Variants in PTP4A1 observed in about 807,000 individuals in gnomAD.
PTP4A1 encodes the protein protein tyrosine phosphatase type IVA 1.
A neutral mutation model predicts 20.5 loss-of-function variants in PTP4A1; 9 were observed. The ratio of observed to expected loss-of-function variants is 0.44; its 90% CI spans 0.26 to 0.77. The LOEUF (loss-of-function observed/expected upper bound fraction) is 0.77. PTP4A1 is among the 30% of genes least tolerant of loss of function. The pLI, the probability that PTP4A1 is intolerant of heterozygous loss-of-function variation, is 0.19. For missense variants in PTP4A1, 137 were observed against 218.8 expected (o/e 0.63, Z 2.36); for synonymous variants, 78 against 67.4 (o/e 1.16, Z -0.77).
At chr6:63,519,926 A>G (rs1774861690), upstream of PTP4A1, among the ~76,000 whole-genome samples, 1 of 152,250 alleles carries the variant, frequency 6.6e-6, no homozygotes, top group South Asian at 2.1e-4. Context: ...GACTTGAAAT[A>G]GACATTCAAC....
At chr6:63,557,373 C>T (rs1776735712) in intron 3 of PTP4A1, among the ~76,000 whole-genome samples, 1 of 152,092 alleles carries the variant, frequency 6.6e-6, no homozygotes, top group Non-Finnish European at 1.5e-5. Flanking sequence ...TGAGACCAGC[C>T]TGGCCAACAT....
intron 2 of PTP4A1, among the ~76,000 whole-genome samples, chr6:63,529,176 T>C (rs1486540297): frequency 2.0e-5 from 3 of 146,754 alleles, no homozygotes; most frequent in Non-Finnish European, 4.5e-5. Flanking sequence ...TATATATATA[T>C]GTATATATAT....
intron 3 of PTP4A1, among the ~76,000 whole-genome samples, chr6:63,554,290 G>A (rs1023488690): frequency 6.6e-6 from 1 of 152,150 alleles, no homozygotes; most frequent in African/African-American, 2.4e-5. Flanking sequence ...CAAAGTATAT[G>A]AAAAGCATTC....
At chr6:63,526,837 T>TATATATATG (rs1562111525) in intron 1 of PTP4A1, among the ~76,000 whole-genome samples, 1 of 87,734 alleles carries the variant, frequency 1.1e-5, no homozygotes, top group Non-Finnish European at 2.4e-5. Flanking sequence ...ATATATATAT[T>TATATATATG]TATTTATTTA....
intron 3 of PTP4A1, 121 bp downstream of exon 3, chr6:63,578,650 A>G: frequency 7.3e-7 from 1 of 1,361,950 alleles, no homozygotes; most frequent in Non-Finnish European, 9.8e-7. Flanking sequence ...AAAAACAAAT[A>G]TTATATTATT....
chr6:63,576,741 T>C lies in PTP4A1; in HGVS notation c.-140T>C. The C allele has an allele frequency of 1.5e-6, 1 of 666,756 alleles. No homozygotes were observed. The highest frequency in any genetic ancestry group is 2.8e-5 in the East Asian group (1 of 36,350). The allele number at this position is 666,756 out of a possible 1,614,324, so 41.3% of individuals were successfully genotyped here. A position where few individuals can be genotyped will look rare whatever the true frequency, so the allele number is the denominator to read the frequency against. On this transcript the variant is annotated 5_prime_UTR_variant, in exon 2 of 6. Transcript: ENST00000626021. ...TTAGGAGGTTCATTTCACTTATCAT[T>C]ACTTACAACTTCATACTCAAAGCAC...
chr6:63,548,699 AG>A, intron 2 of PTP4A1: 2 of 589,938 alleles, frequency 3.4e-6, no homozygotes, highest in Non-Finnish European at 6.1e-6. Flanking sequence ...AAAACTCAAC[AG>A]TGTACATTTA....
At chr6:63,570,971 T>C (rs1003905690), upstream of PTP4A1, 1 of 152,222 alleles carries the variant, frequency 6.6e-6, no homozygotes, top group Admixed American at 6.5e-5. Flanking sequence ...TTTTAAGCTT[T>C]CTATATTTTC....
chr6:63,518,621 C>T (rs1033289275), upstream of PTP4A1, among the ~76,000 whole-genome samples: 3 of 152,172 alleles, frequency 2.0e-5, no homozygotes, highest in Non-Finnish European at 2.9e-5. Context: ...TGTCCAAGGT[C>T]ACACAGCCCA....
chr6:63,553,194 C>G (rs1776527559), intron 3 of PTP4A1, among the ~76,000 whole-genome samples: 1 of 152,178 alleles, frequency 6.6e-6, no homozygotes, highest in Non-Finnish European at 1.5e-5. Flanking sequence ...AATAAGTCCT[C>G]AGTAATTGTG....
chr6:63,542,214 C>T (rs966723618), intron 2 of PTP4A1, among the ~76,000 whole-genome samples: 1 of 151,884 alleles, frequency 6.6e-6, no homozygotes, highest in African/African-American at 2.4e-5. Flanking sequence ...TAAGTGGGAG[C>T]TAAGCTATGA....
rs1008678025 is a variant in PTP4A1, at chr6:63,548,952, C to G, written c.-639-1348C>G. The G allele has an allele frequency of 4.8e-6, 4 of 825,940 alleles. No homozygotes were observed. The African/African-American group carries it at 5.0e-5, about 10-fold the overall frequency. 51.2% of individuals were successfully genotyped at this position (825,940 alleles called of 1,614,324 possible). ...GACTAGACGTCCCAGTCTTGCCTCC[C>G]CCTTGATAATGCAGTAAGGGACCCG... On this transcript the variant is annotated intron_variant, in intron 2 of 3. Coordinates refer to the PTP4A1 transcript ENST00000639568.
chr6:63,564,080 G>C (rs1777080240), intron 3 of PTP4A1, among the ~76,000 whole-genome samples: 1 of 152,144 alleles, frequency 6.6e-6, no homozygotes, highest in Non-Finnish European at 1.5e-5. Flanking sequence ...TTCGAGACCA[G>C]CCTGGCCAAC....
chr6:63,544,717 T>C (rs544642974), intron 2 of PTP4A1, among the ~76,000 whole-genome samples: 22 of 152,304 alleles, frequency 1.4e-4, no homozygotes, highest in African/African-American at 5.1e-4. Flanking sequence ...TTTTCTGATG[T>C]TTCCTCATGA....
At chr6:63,553,696 T>C (rs560163829) in intron 3 of PTP4A1, among the ~76,000 whole-genome samples, 2 of 152,328 alleles carry the variant, frequency 1.3e-5, no homozygotes, top group South Asian at 4.1e-4. Context: ...AATTGGAATT[T>C]AGTATCTTTG....
intron 2 of PTP4A1, among the ~76,000 whole-genome samples, chr6:63,577,825 T>C (rs1429654460): frequency 6.6e-6 from 1 of 150,574 alleles, no homozygotes; most frequent in Non-Finnish European, 1.5e-5. Context: ...ACTTTAATGG[T>C]ACTTTAATTT....
At chr6:63,525,119 AGGT>A (rs1217789718) in intron 1 of PTP4A1, among the ~76,000 whole-genome samples, 9 of 152,218 alleles carry the variant, frequency 5.9e-5, no homozygotes, top group African/African-American at 2.2e-4. Context: ...GCTGTTTCAA[AGGT>A]GAAGATTTCT....
chr6:63,545,487 T>A (rs1182950842), intron 2 of PTP4A1, among the ~76,000 whole-genome samples: 2 of 152,140 alleles, frequency 1.3e-5, no homozygotes, highest in Non-Finnish European at 2.9e-5. Flanking sequence ...GGCACATGCC[T>A]GTAATCCCAG....
Position 63,548,630 on chromosome 6 carries a change from CA to C in PTP4A1, c.-639-1668del, listed in dbSNP as rs1776304339. 5.7e-5 allele frequency: 22 copies of C among 388,714 alleles called. No individual in the cohort carries two copies. In the South Asian group the frequency reaches 6.4e-4, roughly 11 times the overall value. 24.1% of individuals were successfully genotyped at this position (388,714 alleles called of 1,614,324 possible). Reference sequence around the variant, plus strand: ...AAGGTTTATTGAGTTAATGTAAACACAACCCTGATTTAATTTTTCAAGGAAA... The same window carrying C: ...AAGGTTTATTGAGTTAATGTAAACACACCCTGATTTAATTTTTCAAGGAAA... On this transcript the variant is annotated intron_variant, in intron 2 of 3. Transcript: ENST00000639568.
Sources: gnomAD v4.1 joint callset for allele counts (sites outside exome capture counted in the v4.1 genomes callset) on GRCh38, gnomAD v4.1.1 for gene constraint, MANE v1.5 for transcripts, NCBI Gene and HGNC (gene_info 2026-07-23, HGNC 2026-07-21) for gene names.